The following LAMTOR5 variants were observed in gnomAD, a reference collection of about 807,000 sequenced individuals.
The protein encoded by LAMTOR5 is late endosomal/lysosomal adaptor, MAPK and MTOR activator 5.
Under a neutral mutation model 12.1 loss-of-function variants are expected in LAMTOR5, and 8 were observed. That is an observed-to-expected ratio of 0.66 (90% confidence interval 0.39 to 1.19). The LOEUF (loss-of-function observed/expected upper bound fraction) is 1.19. LAMTOR5 is among the 50% of genes most tolerant of loss of function. LAMTOR5 has a pLI of 0.01. For synonymous variants in LAMTOR5, 37 were observed against 41.9 expected, an observed-to-expected ratio of 0.88 and a Z score of 0.45; for missense variants, 110 against 112.8, an observed-to-expected ratio of 0.97 and a Z score of 0.11.
In LAMTOR5 at chr1:110,401,366, G is replaced by A. The variant is rs114255273; in HGVS notation, c.*157C>T. On this transcript the variant is annotated 3_prime_UTR_variant, in exon 4 of 4. Transcript: ENST00000602318. ...CTAATATCTTGATAGTCGGTCCATA[G>A]AGCATTAGAAAGCAATTGACTCTTA... is the stretch of plus-strand genomic sequence containing the variant. 9 of 630,752 alleles carry A rather than the reference G, an allele frequency of 1.4e-5. No individual in the cohort carries two copies. The highest frequency in any genetic ancestry group is 3.2e-5 in the Admixed American group (1 of 31,300). 39.1% of individuals were successfully genotyped at this position (630,752 alleles called of 1,614,324 possible). A position where few individuals can be genotyped will look rare whatever the true frequency, so the allele number is the denominator to read the frequency against.
chr1:110,407,132 C>T (rs1322029131), intron 1 of LAMTOR5: 11 of 631,886 alleles, frequency 1.7e-5, no homozygotes, highest in African/African-American at 1.3e-4. Context: ...ATAGATACTG[C>T]TTGTTCGAAA....
In LAMTOR5 at chr1:110,401,561, C is replaced by G; in HGVS notation, c.238G>C (p.Asp80His). Residue 80 changes from aspartate (D) to histidine (H), a missense_variant, in exon 4 of 4, where the codon GAT (aspartate) becomes CAT (histidine). By Grantham distance (81) the Asp-to-His change is moderately conservative. Transcript: ENST00000602318. Reference sequence around the variant, plus strand: ...TTGTGCACTGCCACCGTGATGCCATCGTGTTTCTGGATCATAATGTTCCTG... The same window carrying G: ...TTGTGCACTGCCACCGTGATGCCATGGTGTTTCTGGATCATAATGTTCCTG... ...DNGNIMIQKH[D>H]GITVAVHKMA... 1.2e-6 allele frequency: 2 copies of G among 1,606,882 alleles called. No homozygotes were observed. The highest frequency in any genetic ancestry group is 8.5e-7 in the Non-Finnish European group (1 of 1,174,108).
At chr1:110,402,448 T>C (rs1663248805) in intron 3 of LAMTOR5, among the ~76,000 whole-genome samples, 1 of 152,136 alleles carries the variant, frequency 6.6e-6, no homozygotes, top group South Asian at 2.1e-4. Flanking sequence ...GGTTTCACCA[T>C]GTTGGTTAGG....
chr1:110,402,751 A>G (rs1016764752), intron 3 of LAMTOR5, among the ~76,000 whole-genome samples: 4 of 152,048 alleles, frequency 2.6e-5, no homozygotes, highest in Non-Finnish European at 5.9e-5. Flanking sequence ...GATGATCCTG[A>G]CCCTGTGCAG....
intron 1 of LAMTOR5, 21 bp from the exon 2 acceptor site, chr1:110,406,400 G>C: frequency 6.3e-7 from 1 of 1,575,692 alleles, no homozygotes; most frequent in South Asian, 1.1e-5. Context: ...GAACACAAGA[G>C]AGTTGAAGTA....
intron 1 of LAMTOR5, chr1:110,407,333 C>A: frequency 1.7e-6 from 1 of 592,764 alleles, no homozygotes; most frequent in Admixed American, 3.0e-5. Flanking sequence ...ACGAGATAGG[C>A]AGTTTTGGCC....
upstream of LAMTOR5, chr1:110,407,802 A>G: frequency 7.4e-6 from 12 of 1,614,170 alleles, no homozygotes; most frequent in Non-Finnish European, 9.3e-6. Context: ...TCCGTCGCAC[A>G]GAGCCTGACG....
chr1:110,406,256 G>A, intron 2 of LAMTOR5, 62 bp downstream of exon 2: 1 of 1,136,330 alleles, frequency 8.8e-7, no homozygotes, highest in Non-Finnish European at 1.3e-6. Context: ...TAGCACGCTA[G>A]GCTCCAAGTC....
chr1:110,407,331 G>A (rs1454749849), intron 1 of LAMTOR5: 9 of 592,590 alleles, frequency 1.5e-5, no homozygotes, highest in Admixed American at 1.2e-4. Context: ...CAACGAGATA[G>A]GCAGTTTTGG....
intron 1 of LAMTOR5, chr1:110,406,883 CTGA>C: frequency 2.3e-6 from 1 of 443,788 alleles, no homozygotes; most frequent in Non-Finnish European, 4.0e-6. Flanking sequence ...CAGTTTCTCT[CTGA>C]TGAGAGAAAA....
At chr1:110,402,280 T>C in intron 3 of LAMTOR5, among the ~76,000 whole-genome samples, 1 of 152,222 alleles carries the variant, frequency 6.6e-6, no homozygotes, top group Non-Finnish European at 1.5e-5. Flanking sequence ...AGACGGAGTC[T>C]TGCTCTGTTG....
At chr1:110,407,752 T>G (rs754934519), upstream of LAMTOR5, 10 of 1,613,906 alleles carry the variant, frequency 6.2e-6, no homozygotes, top group African/African-American at 9.3e-5. Context: ...TTGATCACGG[T>G]GCAACGTCCG....
chr1:110,405,163 C>CT (rs1351144264), intron 2 of LAMTOR5, among the ~76,000 whole-genome samples: 2 of 140,008 alleles, frequency 1.4e-5, no homozygotes, highest in South Asian at 2.3e-4. Context: ...GTCTCAGTTT[C>CT]TTTTTTTATT....
intron 1 of LAMTOR5, 98 bp downstream of exon 1, chr1:110,407,485 CCCG>C: frequency 2.1e-6 from 3 of 1,427,430 alleles, no homozygotes; most frequent in South Asian, 2.6e-5. Context: ...GCGCGACGTC[CCCG>C]AGACGCCCTG....
intron 2 of LAMTOR5, 122 bp from the exon 3 acceptor site, chr1:110,404,158 G>A (rs931437673): frequency 1.2e-5 from 17 of 1,367,564 alleles, no homozygotes; most frequent in Middle Eastern, 2.4e-4. Flanking sequence ...GTATTAGTCT[G>A]TATATATTAT....
intron 2 of LAMTOR5, among the ~76,000 whole-genome samples, chr1:110,405,284 C>A (rs1663305544): frequency 6.6e-6 from 1 of 151,870 alleles, no homozygotes; most frequent in Non-Finnish European, 1.5e-5. Context: ...CCTCAGCCTC[C>A]CGAGTAGCTG....
At chr1:110,406,980 C>T (rs1663343862) in intron 1 of LAMTOR5, 4 of 653,382 alleles carry the variant, frequency 6.1e-6, no homozygotes, top group African/African-American at 1.8e-5. Flanking sequence ...TTGTTAAAAA[C>T]GCATGTTTTA....
At chr1:110,401,720 TA>T in intron 3 of LAMTOR5, 137 bp from the exon 4 acceptor site, 1 of 917,172 alleles carries the variant, frequency 1.1e-6, no homozygotes, top group South Asian at 1.9e-5. Flanking sequence ...TATTTAAACA[TA>T]ACAAAACATT....
intron 1 of LAMTOR5, 31 bp downstream of exon 1, chr1:110,407,555 A>C: frequency 6.2e-7 from 1 of 1,605,538 alleles, no homozygotes; most frequent in Non-Finnish European, 8.5e-7. Context: ...CCGCGACCTC[A>C]GGACAGGCCG....
Sources: allele counts gnomAD v4.1 joint callset (sites outside exome capture counted in the v4.1 genomes callset), GRCh38; gene constraint gnomAD v4.1.1; transcripts MANE v1.5; gene names NCBI Gene and HGNC (gene_info 2026-07-23, HGNC 2026-07-21).